TANGO6: variants seen among roughly 807,000 people sequenced by gnomAD.
TANGO6 encodes transport and golgi organization 6 homolog.
TANGO6 carries 90 observed loss-of-function variants against 114.2 expected under a neutral mutation model. The ratio of observed to expected loss-of-function variants is 0.79; its 90% CI spans 0.66 to 0.94. TANGO6 has a LOEUF of 0.94. Ranked by LOEUF, TANGO6 falls within the 40% of genes least tolerant of loss-of-function variation. TANGO6 has a pLI of 0.00. For synonymous variants in TANGO6, 477 were observed against 509.8 expected (o/e 0.94, Z 0.87); for missense variants, 1,274 against 1,315.3 (o/e 0.97, Z 0.49).
intron 1 of TANGO6, among the ~76,000 whole-genome samples, chr16:68,851,535 T>C (rs6499204): frequency 0.19 from 28,535 of 152,192 alleles, 2,646 homozygotes; most frequent in African/African-American, 0.2. Context: ...TTCTCTTTTA[T>C]AGCTGCATAG....
At chr16:69,040,463 T>C in intron 17 of TANGO6, 42 bp downstream of exon 17, 1 of 1,479,528 alleles carries the variant, frequency 6.8e-7, no homozygotes, top group East Asian at 2.4e-5. Flanking sequence ...CCACCTCTTT[T>C]ATTTGTCTAT....
chr16:68,862,066 C>G (rs1962101139), intron 2 of TANGO6, among the ~76,000 whole-genome samples: 1 of 151,214 alleles, frequency 6.6e-6, no homozygotes, highest in Admixed American at 6.6e-5. Context: ...GAGACGGAGC[C>G]TTGCTCTGTC....
intron 15 of TANGO6, among the ~76,000 whole-genome samples, chr16:68,977,161 C>A (rs747076490): frequency 6.6e-6 from 1 of 152,084 alleles, no homozygotes; most frequent in Non-Finnish European, 1.5e-5. Context: ...TTCCATATAG[C>A]CATGCACTGT....
intron 17 of TANGO6, among the ~76,000 whole-genome samples, chr16:69,047,994 A>G (rs1223034886): frequency 6.6e-6 from 1 of 152,172 alleles, no homozygotes; most frequent in Non-Finnish European, 1.5e-5. Flanking sequence ...AATTCCTTCA[A>G]AATGATAAAA....
intron 2 of TANGO6, among the ~76,000 whole-genome samples, chr16:68,860,910 A>G (rs1170469802): frequency 1.3e-5 from 2 of 152,334 alleles, no homozygotes; most frequent in South Asian, 4.1e-4. Context: ...TCCTACTGAT[A>G]TTAGTATCAT....
chr16:68,875,802 T>G (rs1211786911), intron 5 of TANGO6, among the ~76,000 whole-genome samples: 1 of 151,882 alleles, frequency 6.6e-6, no homozygotes, highest in African/African-American at 2.4e-5. Flanking sequence ...TCACCACTAC[T>G]AAATGATTTG....
chr16:68,951,483 G>A (rs568534280), intron 14 of TANGO6, among the ~76,000 whole-genome samples: 4 of 152,258 alleles, frequency 2.6e-5, no homozygotes, highest in Non-Finnish European at 4.4e-5. Flanking sequence ...GAGGCCAACT[G>A]CTTGGCCAAC....
chr16:68,906,692 C>T (rs1356014500), intron 9 of TANGO6, among the ~76,000 whole-genome samples: 1 of 152,060 alleles, frequency 6.6e-6, no homozygotes, highest in African/African-American at 2.4e-5. Context: ...CAAGCAGTCT[C>T]CCTGCCTCAG....
At chr16:68,851,238 C>G (rs1961898070) in intron 1 of TANGO6, among the ~76,000 whole-genome samples, 1 of 152,250 alleles carries the variant, frequency 6.6e-6, no homozygotes, top group African/African-American at 2.4e-5. Flanking sequence ...CGGCTCACTG[C>G]AACCTCCGTC....
intron 14 of TANGO6, among the ~76,000 whole-genome samples, chr16:68,961,114 T>A (rs1006638981): frequency 3.9e-5 from 6 of 152,208 alleles, no homozygotes; most frequent in African/African-American, 1.2e-4. Flanking sequence ...CAGTGGGGGA[T>A]GCTGGCTGTG....
intron 14 of TANGO6, among the ~76,000 whole-genome samples, chr16:68,945,966 T>C (rs1442978653): frequency 6.6e-6 from 1 of 152,216 alleles, no homozygotes; most frequent in African/African-American, 2.4e-5. Flanking sequence ...ATTATAGGCG[T>C]GAGCCACTGC....
intron 8 of TANGO6, among the ~76,000 whole-genome samples, chr16:68,901,591 C>T (rs918905575): frequency 1.3e-5 from 2 of 152,112 alleles, no homozygotes; most frequent in Non-Finnish European, 1.5e-5. Flanking sequence ...TGAGTTCAGG[C>T]GATTCTCCTG....
At chr16:68,935,955 A>G (rs1039720753) in intron 14 of TANGO6, among the ~76,000 whole-genome samples, 16 of 152,156 alleles carry the variant, frequency 1.1e-4, no homozygotes, top group Admixed American at 9.2e-4. Flanking sequence ...CTGAGGTGGG[A>G]GGATTGCTTG....
chr16:69,014,542 T>C (rs1443200915), intron 15 of TANGO6, among the ~76,000 whole-genome samples: 1 of 151,982 alleles, frequency 6.6e-6, no homozygotes, highest in Admixed American at 6.6e-5. Context: ...GTAAGGAAAA[T>C]TGGGAAAATG....
intron 16 of TANGO6, chr16:69,026,820 A>C (rs559633367): frequency 1.3e-5 from 2 of 152,448 alleles, no homozygotes; most frequent in African/African-American, 4.8e-5. Context: ...CAGGGATGAG[A>C]GGATCAAATC....
At chr16:68,984,264 T>A (rs1963870977) in intron 15 of TANGO6, among the ~76,000 whole-genome samples, 1 of 152,126 alleles carries the variant, frequency 6.6e-6, no homozygotes, top group Non-Finnish European at 1.5e-5. Context: ...CAGGATCAAA[T>A]GAAATGCTCC....
chr16:68,875,381 A>G, intron 5 of TANGO6, 91 bp downstream of exon 5: 1 of 1,436,974 alleles, frequency 7.0e-7, no homozygotes, highest in Non-Finnish European at 9.4e-7. Flanking sequence ...TTGAGATAAA[A>G]GCAGTATAAT....
At chr16:68,877,236 G>A (rs762683294) in intron 5 of TANGO6, among the ~76,000 whole-genome samples, 6 of 152,120 alleles carry the variant, frequency 3.9e-5, no homozygotes, top group Non-Finnish European at 4.4e-5. Context: ...TTGGGAGGCT[G>A]AGGCGGGCGG....
chr16:68,943,567 A>G (rs921557510), intron 14 of TANGO6, among the ~76,000 whole-genome samples: 6 of 151,838 alleles, frequency 4.0e-5, no homozygotes, highest in East Asian at 1.9e-4. Context: ...GGGTTTCACC[A>G]TGTCAGCCAG....
Sources: gnomAD v4.1 joint callset for allele counts (sites outside exome capture counted in the v4.1 genomes callset) on GRCh38, gnomAD v4.1.1 for gene constraint, MANE v1.5 for transcripts, NCBI Gene and HGNC (gene_info 2026-07-23, HGNC 2026-07-21) for gene names.